The following XYLT1 variants were observed in gnomAD, a reference collection of about 807,000 sequenced individuals.
XYLT1 encodes beta-D-xylosyltransferase 1.
A neutral mutation model predicts 91.3 loss-of-function variants in XYLT1; 36 were observed. The ratio of observed to expected loss-of-function variants is 0.39; its 90% confidence interval spans 0.30 to 0.52. The LOEUF is 0.52. Among genes scored for constraint, XYLT1 ranks in the 20% least tolerant of loss-of-function variants. The pLI is 0.68. For missense variants in XYLT1, 1,242 were observed against 1,284.5 expected (o/e 0.97, Z 0.51); for synonymous variants, 588 against 532.0 (o/e 1.11, Z -1.45).
intron 11 of XYLT1, among the ~76,000 whole-genome samples, chr16:17,110,967 C>T (rs1966839668): frequency 6.6e-6 from 1 of 152,150 alleles, no homozygotes; most frequent in Non-Finnish European, 1.5e-5. Context: ...CGAGACCAGC[C>T]TGGCCAACAT....
chr16:17,149,590 A>G (rs2031232502), intron 6 of XYLT1, among the ~76,000 whole-genome samples: 1 of 152,232 alleles, frequency 6.6e-6, no homozygotes, highest in Admixed American at 6.5e-5. Flanking sequence ...CAATGCATGA[A>G]ATCAGTCAGC....
intron 2 of XYLT1, among the ~76,000 whole-genome samples, chr16:17,353,619 C>T (rs1411104654): frequency 1.3e-5 from 2 of 152,168 alleles, no homozygotes; most frequent in African/African-American, 4.8e-5. Flanking sequence ...ACTCACTGCG[C>T]AAAGCATTGA....
chr16:17,340,369 C>G (rs1056247800), intron 2 of XYLT1, among the ~76,000 whole-genome samples: 1 of 152,262 alleles, frequency 6.6e-6, no homozygotes, highest in Non-Finnish European at 1.5e-5. Flanking sequence ...ACAGGCTGAA[C>G]ACAGAGCTCT....
At chr16:17,208,885 C>T (rs7500054) in intron 3 of XYLT1, among the ~76,000 whole-genome samples, 6,586 of 152,090 alleles carry the variant, frequency 0.043, 213 homozygotes, top group Non-Finnish European at 0.065. Context: ...CCACCACGCC[C>T]GGCTAATTTT....
chr16:17,141,425 G>T, intron 6 of XYLT1, 56 bp from the exon 7 acceptor site: 1 of 1,541,600 alleles, frequency 6.5e-7, no homozygotes, highest in Non-Finnish European at 8.9e-7. Context: ...CAGAACTCCA[G>T]CCAGAGTCCA....
Position 17,428,962 on chromosome 16 carries a change from C to T in XYLT1, c.363+41472G>A, listed in dbSNP as rs532921885. Among the ~76,000 whole-genome samples, 5 of 152,278 alleles carry T rather than the reference C, an allele frequency of 3.3e-5. No homozygotes were observed. The South Asian group carries it at 1.0e-3, about 32-fold the overall frequency. On this transcript the variant is annotated intron_variant, in intron 1 of 11. Transcript: ENST00000261381. ...CATAGGGATCAGGAGGATGCAGGGC[C>T]ATTGGGAAGCTTCCACAGGGACCTG...
At chr16:17,259,559 T>C in intron 2 of XYLT1, 61 bp from the exon 3 acceptor site, 1 of 1,565,336 alleles carries the variant, frequency 6.4e-7, no homozygotes, top group South Asian at 1.2e-5. Flanking sequence ...CTAAGCAGAC[T>C]GGCCTTTGAA....
At chr16:17,226,926 A>T (rs781729259) in intron 3 of XYLT1, 8 of 152,090 alleles carry the variant, frequency 5.3e-5, no homozygotes, top group Non-Finnish European at 1.2e-4. Flanking sequence ...TGTGCAAAAA[A>T]ACTCCCATGC....
chr16:17,184,511 G>T (rs184486350), intron 5 of XYLT1, among the ~76,000 whole-genome samples: 1 of 150,318 alleles, frequency 6.7e-6, no homozygotes, highest in East Asian at 1.9e-4. Context: ...CCATGGCATC[G>T]ATGTAAGGTT....
At chr16:17,262,182 G>A (rs947240478) in intron 2 of XYLT1, among the ~76,000 whole-genome samples, 3 of 152,144 alleles carry the variant, frequency 2.0e-5, no homozygotes, top group East Asian at 1.9e-4. Flanking sequence ...AGGAGCCAAC[G>A]CTTGTTGTGA....
At chr16:17,183,891 T>C (rs2032123096) in intron 5 of XYLT1, among the ~76,000 whole-genome samples, 1 of 152,082 alleles carries the variant, frequency 6.6e-6, no homozygotes, top group Non-Finnish European at 1.5e-5. Context: ...GTCGCTTGGA[T>C]CCTATACTCA....
At chr16:17,364,214 C>T (rs1417814203) in intron 1 of XYLT1, among the ~76,000 whole-genome samples, 1 of 152,188 alleles carries the variant, frequency 6.6e-6, no homozygotes, top group East Asian at 1.9e-4. Flanking sequence ...ATTTTTCTCA[C>T]TGACCCCCAC....
At chr16:17,244,472 G>A (rs2033402254) in intron 3 of XYLT1, among the ~76,000 whole-genome samples, 1 of 152,166 alleles carries the variant, frequency 6.6e-6, no homozygotes, top group Admixed American at 6.5e-5. Context: ...ACCAATACAG[G>A]ATATACTGTT....
intron 3 of XYLT1, among the ~76,000 whole-genome samples, chr16:17,219,975 GAACT>G (rs2032937868): frequency 6.6e-6 from 1 of 152,162 alleles, no homozygotes; most frequent in Non-Finnish European, 1.5e-5. Context: ...CTCTCTGAAT[GAACT>G]GACAGAGGAA....
chr16:17,261,695 A>C (rs1323047740), intron 2 of XYLT1, among the ~76,000 whole-genome samples: 1 of 152,190 alleles, frequency 6.6e-6, no homozygotes, highest in East Asian at 1.9e-4. Flanking sequence ...ATTGTGTTGC[A>C]GGAAGTCATA....
intron 1 of XYLT1, among the ~76,000 whole-genome samples, chr16:17,431,680 T>A (rs1424222265): frequency 6.6e-6 from 1 of 152,222 alleles, no homozygotes; most frequent in Non-Finnish European, 1.5e-5. Flanking sequence ...TGGTGGCAGT[T>A]AACACGGACA....
chr16:17,417,965 A>G (rs2036201311), intron 1 of XYLT1, among the ~76,000 whole-genome samples: 1 of 151,858 alleles, frequency 6.6e-6, no homozygotes, highest in African/African-American at 2.4e-5. Context: ...CCCCCCAACA[A>G]CCCTCACCAA....
intron 7 of XYLT1, among the ~76,000 whole-genome samples, chr16:17,140,399 G>A (rs1041752433): frequency 2.1e-4 from 32 of 152,254 alleles, no homozygotes; most frequent in African/African-American, 7.5e-4. Flanking sequence ...GGTGGCTCAT[G>A]CCTGCAATCC....
rs539054893 is a variant in XYLT1 at position 17,428,217 on chromosome 16, C to G, written c.363+42217G>C. 1.8e-4 allele frequency among the ~76,000 whole-genome samples: 28 copies of G among 152,298 alleles called. No homozygotes were observed. The South Asian group carries it at 5.6e-3, about 30-fold the overall frequency. ...CAGGCTGGTCTTGAACTCCTGGCCT[C>G]AGATGATCTGCCCGCCTCAGCCTCC... On this transcript the variant is annotated intron_variant, in intron 1 of 11. Transcript: ENST00000261381.
Sources: allele counts gnomAD v4.1 joint callset (sites outside exome capture counted in the v4.1 genomes callset), GRCh38; gene constraint gnomAD v4.1.1; transcripts MANE v1.5; gene names NCBI Gene and HGNC (gene_info 2026-07-23, HGNC 2026-07-21).